PBX4: variants seen among roughly 807,000 people sequenced by gnomAD.
PBX4 encodes the protein pre-B-cell leukemia transcription factor 4.
In PBX4, 26 loss-of-function variants were observed where a neutral mutation model predicts 35.1. The observed-to-expected ratio is 0.74, with a 90% CI of 0.54 to 1.03. The LOEUF (loss-of-function observed/expected upper bound fraction) is 1.03, where lower values mean the gene tolerates loss of function less well. Among genes scored for constraint, PBX4 ranks in the 50% least tolerant of loss-of-function variants. The probability of loss-of-function intolerance (pLI) is 0.00; values close to 1 mark genes in which losing one functional copy is unlikely to be tolerated. For synonymous variants in PBX4, 199 were observed against 204.2 expected (o/e 0.97, Z 0.22); for missense variants, 448 against 504.3 (o/e 0.89, Z 1.07).
chr19:19,592,061 G>A (rs1244175050), intron 2 of PBX4, among the ~76,000 whole-genome samples: 1 of 151,880 alleles, frequency 6.6e-6, no homozygotes. Context: ...GGTGGGTGAG[G>A]GAGGTGGGGG....
At position 19,618,634 on chromosome 19, in the gene PBX4, G is replaced by T. The variant is rs112396932; in HGVS notation, c.-5C>A. ...GGGGCGCGGCGGGGCGGCCATGAGC[G>T]GCAGGGCCGGGCGGGCGCTGTGAGG... On this transcript the variant is annotated 5_prime_UTR_variant, in exon 1 of 8. Coordinates refer to ENST00000251203, the MANE Select transcript of PBX4 (RefSeq NM_025245.3). 7.4e-6 allele frequency: 9 copies of T among 1,221,178 alleles called. No individual in the cohort carries two copies. The highest frequency in any genetic ancestry group is 3.2e-4 in the Middle Eastern group (1 of 3,090). 75.6% of individuals were successfully genotyped at this position (1,221,178 alleles called of 1,614,324 possible).
chr19:19,582,276 C>A (rs1050622671), intron 2 of PBX4, among the ~76,000 whole-genome samples: 4 of 152,160 alleles, frequency 2.6e-5, no homozygotes, highest in African/African-American at 9.7e-5. Context: ...TGCCCTCGGA[C>A]CTAAGTGAGA....
intron 1 of PBX4, among the ~76,000 whole-genome samples, chr19:19,617,129 T>G (rs1425461229): frequency 6.6e-6 from 1 of 152,198 alleles, no homozygotes; most frequent in Non-Finnish European, 1.5e-5. Context: ...CCTGGCTTCC[T>G]ATAGCATGCA....
At chr19:19,612,460 T>C (rs1479462963) in intron 1 of PBX4, among the ~76,000 whole-genome samples, 1 of 151,996 alleles carries the variant, frequency 6.6e-6, no homozygotes, top group Non-Finnish European at 1.5e-5. Context: ...GACTGGCACA[T>C]TGAGAGTGGG....
At chr19:19,610,627 T>G (rs931524669) in intron 1 of PBX4, among the ~76,000 whole-genome samples, 24 of 151,986 alleles carry the variant, frequency 1.6e-4, no homozygotes, top group African/African-American at 5.8e-4. Flanking sequence ...GGCTGGCGCA[T>G]GCATGTAATC....
Position 19,570,847 on chromosome 19 carries a change from A to G in PBX4, c.194-14T>C. ...GGATGCTTACCACTAGATAAGAGAG[A>G]CCGGGACAAGTCACAATTCATTTTC... On this transcript the variant is annotated splice_polypyrimidine_tract_variant and intron_variant, in intron 2 of 7. Transcript: ENST00000251203. 1.2e-6 allele frequency: 2 copies of G among 1,610,158 alleles called. No individual in the cohort carries two copies. Among genetic ancestry groups the G allele is most frequent in the Non-Finnish European group, 1.7e-6 (2 of 1,177,644 alleles).
rs1315590848 is a variant in PBX4 at position 19,563,531 on chromosome 19, C to A, written c.1010G>T (p.Gly337Val). 1.3e-6 allele frequency: 2 copies of A among 1,550,426 alleles called. No homozygotes were observed. Among genetic ancestry groups the A allele is most frequent in the Non-Finnish European group, 1.7e-6 (2 of 1,146,884 alleles). Residue 337 changes from glycine to valine, a missense_variant, in exon 7 of 8, where the codon GGG (glycine) becomes GTG (valine). Transcript: ENST00000251203. The surrounding 1 kb of genome is among the most constrained non-coding windows in gnomAD (Gnocchi z 5.1). ...RTLASLQPPP[G>V]GGCLQSQAQG... ...CACCTGGGACTGCAGGCAGCCTCCC[C>A]CAGGAGGAGGCTGGAGAGAGGCCAG...
intron 2 of PBX4, among the ~76,000 whole-genome samples, chr19:19,589,771 A>G (rs1211208607): frequency 6.6e-6 from 1 of 152,130 alleles, no homozygotes; most frequent in Non-Finnish European, 1.5e-5. Flanking sequence ...CTCCATCTCA[A>G]AAGAAAAAAA....
chr19:19,601,524 T>C (rs937648892), intron 1 of PBX4, among the ~76,000 whole-genome samples: 2 of 152,162 alleles, frequency 1.3e-5, no homozygotes, highest in African/African-American at 4.8e-5. Flanking sequence ...TATGGTACTT[T>C]ACAAAAAATG....
At chr19:19,569,376 C>T in intron 5 of PBX4, 73 bp downstream of exon 5, 1 of 1,530,388 alleles carries the variant, frequency 6.5e-7, no homozygotes, top group Non-Finnish European at 8.8e-7. Context: ...AACAAACTTC[C>T]CTGGGTGTCC....
intron 6 of PBX4, among the ~76,000 whole-genome samples, chr19:19,564,062 T>C (rs1452736755): frequency 6.6e-6 from 1 of 151,978 alleles, no homozygotes; most frequent in East Asian, 1.9e-4. Context: ...TACGTATGTA[T>C]ACATGTGCCA....
chr19:19,616,845 A>T (rs557234127), intron 1 of PBX4, among the ~76,000 whole-genome samples: 4 of 151,870 alleles, frequency 2.6e-5, no homozygotes, highest in Admixed American at 2.0e-4. Flanking sequence ...CACTACACCC[A>T]GCTAATTTTT....
chr19:19,594,736 T>G (rs2061550996), intron 2 of PBX4, among the ~76,000 whole-genome samples: 1 of 152,152 alleles, frequency 6.6e-6, no homozygotes, highest in South Asian at 2.1e-4. Context: ...GTACTTTTTT[T>G]TTTTAGACAG....
Position 19,595,687 on chromosome 19 carries a change from G to A in PBX4, c.193+3605C>T, listed in dbSNP as rs1478748123. Among the ~76,000 whole-genome samples, 3 of 151,590 alleles carry A rather than the reference G, an allele frequency of 2.0e-5. No homozygotes were observed. The East Asian group carries it at 5.8e-4, about 29-fold the overall frequency. On this transcript the variant is annotated intron_variant, in intron 2 of 7. Transcript: ENST00000251203. ...CCCGTCGGGAGGATGACCTGGCACT[G>A]GGTGTTGGAGACCAACAGGGGGCAT...
intron 2 of PBX4, among the ~76,000 whole-genome samples, chr19:19,590,283 G>A (rs1272481662): frequency 6.6e-6 from 1 of 152,022 alleles, no homozygotes; most frequent in East Asian, 1.9e-4. Context: ...GGATTTGCCT[G>A]ATCTGGACTC....
intron 1 of PBX4, among the ~76,000 whole-genome samples, chr19:19,612,850 T>C (rs1395431982): frequency 6.7e-6 from 1 of 149,596 alleles, no homozygotes; most frequent in Non-Finnish European, 1.5e-5. Flanking sequence ...TTTTTTTTTT[T>C]CTCTGTCATC....
At chr19:19,607,542 T>G (rs1040505516) in intron 1 of PBX4, among the ~76,000 whole-genome samples, 1 of 152,034 alleles carries the variant, frequency 6.6e-6, no homozygotes, top group Non-Finnish European at 1.5e-5. Context: ...CAATTGAGAG[T>G]CATATAGAAA....
rs117206023 is a variant in PBX4 at position 19,585,278 on chromosome 19, T to C, written c.193+14014A>G. 2.0e-4 allele frequency among the ~76,000 whole-genome samples: 31 copies of C among 152,006 alleles called. 1 individual carries two copies. In the East Asian group the frequency reaches 4.3e-3, roughly 21 times the overall value. On this transcript the variant is annotated intron_variant, in intron 2 of 7. Coordinates refer to ENST00000251203, the MANE Select transcript of PBX4 (RefSeq NM_025245.3). ...AGGCAGAGGTTGAGGTGAGTCCAGA[T>C]TGCGCCACTATACTCCAGCCTGGGT...
chr19:19,601,446 T>C (rs113239535), intron 1 of PBX4, among the ~76,000 whole-genome samples: 24 of 152,162 alleles, frequency 1.6e-4, no homozygotes, highest in African/African-American at 5.3e-4. Flanking sequence ...CTTGCTTGGG[T>C]TGGGAACTAT....
Sources: allele counts gnomAD v4.1 joint callset (sites outside exome capture counted in the v4.1 genomes callset), GRCh38; gene constraint gnomAD v4.1.1; non-coding constraint Gnocchi (gnomAD v3.1); transcripts MANE v1.5; gene names NCBI Gene and HGNC (gene_info 2026-07-23, HGNC 2026-07-21).